The following PCDHGB3 variants were observed in gnomAD, a reference collection of about 807,000 sequenced individuals.
PCDHGB3 encodes the protein protocadherin gamma subfamily B, 3.
A neutral mutation model predicts 59.2 loss-of-function variants in PCDHGB3; 40 were observed. The observed-to-expected ratio is 0.68, with a 90% CI of 0.52 to 0.88. The LOEUF (loss-of-function observed/expected upper bound fraction) is 0.88, where lower values mean the gene tolerates loss of function less well. Ranked by LOEUF, PCDHGB3 falls within the 40% of genes least tolerant of loss-of-function variation. The probability of loss-of-function intolerance (pLI) is 0.00; values close to 1 mark genes in which losing one functional copy is unlikely to be tolerated. For synonymous variants in PCDHGB3, 581 were observed against 503.6 expected (o/e 1.15, Z -2.06); for missense variants, 1,309 against 1,187.9 (o/e 1.10, Z -1.50).
In PCDHGB3 at chr5:141,485,972, T is replaced by G; in HGVS notation, c.2416-8835T>G. ...CATGGTGCTCATCCAGCTCAATGCC[T>G]CAGACCCGGACCTGGGTCCCAGTGG... On this transcript the variant is annotated intron_variant, in intron 1 of 3. Transcript: ENST00000576222. The surrounding 1 kb of genome is among the most constrained non-coding windows in gnomAD (Gnocchi z 5.7). 1 of 1,614,184 alleles carries G rather than the reference T, an allele frequency of 6.2e-7. No individual in the cohort carries two copies. Among genetic ancestry groups the G allele is most frequent in the Non-Finnish European group, 8.5e-7 (1 of 1,180,022 alleles).
intron 3 of PCDHGB3, among the ~76,000 whole-genome samples, chr5:141,510,440 C>T (rs1251795430): frequency 6.6e-6 from 1 of 152,066 alleles, no homozygotes; most frequent in Non-Finnish European, 1.5e-5. Context: ...TGCTGCCCTC[C>T]AGGAGCCCAT....
At position 141,413,407 on chromosome 5, in the gene PCDHGB3, C is replaced by G. The variant is rs372466798; in HGVS notation, c.2415+40598C>G. The G allele has an allele frequency of 3.3e-5, 53 of 1,613,926 alleles. No homozygotes were observed. Among genetic ancestry groups the G allele is most frequent in the Middle Eastern group, 1.6e-4 (1 of 6,082 alleles). ...CATAGTCTCCAGAGGTAGGACGCAG[C>G]TTTTCTCTCTGAACCCGCGCAGCGG... On this transcript the variant is annotated intron_variant, in intron 1 of 3. Transcript: ENST00000576222.
chr5:141,474,105 C>A (rs1292743515), intron 1 of PCDHGB3, among the ~76,000 whole-genome samples: 1 of 152,036 alleles, frequency 6.6e-6, no homozygotes, highest in African/African-American at 2.4e-5. Flanking sequence ...ACAACAAAAA[C>A]AACAACAACG....
chr5:141,372,498 C>T lies in PCDHGB3; in HGVS notation c.2104C>T (p.Leu702Phe). Residue 702 changes from leucine (L) to phenylalanine (F), a missense_variant, in exon 1 of 4, where the codon CTC becomes TTC. Physicochemically the swap from Leu to Phe is conservative, Grantham distance 22 (BLOSUM62 0). Coordinates refer to ENST00000576222, the MANE Select transcript of PCDHGB3 (RefSeq NM_018924.5). ...AGTGGCGTTGGCCTTGATCTCAGTG[C>T]TCTTCCTCCTCGCGGTGATTCTGGC... ...LVVALALISV[L>F]FLLAVILAIS... is the part of the protein sequence containing the mutation. 6.2e-7 allele frequency: 1 copy of T among 1,614,054 alleles called. No homozygotes were observed. Among genetic ancestry groups the T allele is most frequent in the Non-Finnish European group, 8.5e-7 (1 of 1,179,884 alleles).
chr5:141,389,805 C>G (rs1222548961), intron 1 of PCDHGB3: 1 of 1,613,802 alleles, frequency 6.2e-7, no homozygotes, highest in East Asian at 2.2e-5. Flanking sequence ...CCAGCGCCTT[C>G]TGGTCGCCGT....
At chr5:141,454,344 G>A (rs1455147295) in intron 1 of PCDHGB3, among the ~76,000 whole-genome samples, 3 of 152,236 alleles carry the variant, frequency 2.0e-5, no homozygotes, top group Non-Finnish European at 4.4e-5. Flanking sequence ...AATGTTGGAA[G>A]TTGATCCAAA....
At chr5:141,427,327 C>T (rs2097016376) in intron 1 of PCDHGB3, 1 of 457,028 alleles carries the variant, frequency 2.2e-6, no homozygotes, top group African/African-American at 2.0e-5. Flanking sequence ...GTGGTTTTTA[C>T]TTCAGTGTCC....
chr5:141,410,502 T>C, intron 1 of PCDHGB3: 2 of 1,614,018 alleles, frequency 1.2e-6, no homozygotes, highest in Non-Finnish European at 1.7e-6. Context: ...TTTAATTTCC[T>C]AAAATGCAGT....
At position 141,487,603 on chromosome 5, in the gene PCDHGB3, C is replaced by T; in HGVS notation, c.2416-7204C>T. The stretch of plus-strand genomic sequence containing the variant: ...CAAGCTGCCCACCCTCTGATCTTCT[C>T]TATGGGCTAGAGGTGAGACCTTTGC... On this transcript the variant is annotated intron_variant, in intron 1 of 3. Transcript: ENST00000576222. This position sits in a 1 kb window ranked among gnomAD's most constrained non-coding sequence, Gnocchi z 5.0. 1.2e-6 allele frequency: 2 copies of T among 1,614,214 alleles called. No individual in the cohort carries two copies. Among genetic ancestry groups the T allele is most frequent in the Non-Finnish European group, 1.7e-6 (2 of 1,180,042 alleles).
At chr5:141,436,042 T>A (rs1246680632) in intron 1 of PCDHGB3, among the ~76,000 whole-genome samples, 4 of 152,182 alleles carry the variant, frequency 2.6e-5, no homozygotes, top group Non-Finnish European at 5.9e-5. Context: ...TGTATTTACA[T>A]TAGTTTTCAA....
At chr5:141,508,570 C>T (rs1164806696) in intron 3 of PCDHGB3, among the ~76,000 whole-genome samples, 21 of 152,198 alleles carry the variant, frequency 1.4e-4, no homozygotes. Context: ...GTCACTTGCA[C>T]CCACTCGGGG....
chr5:141,477,171 TCA>T lies in PCDHGB3; in HGVS notation c.2416-17633_2416-17632del, dbSNP rs772104411. On this transcript the variant is annotated intron_variant, in intron 1 of 3. Transcript: ENST00000576222. This position sits in a 1 kb window ranked among gnomAD's most constrained non-coding sequence, Gnocchi z 4.9. ...GATGTGAATGACAACGCCCCGGAGA[TCA>T]CAGTCACCTCCGTGTACAGCCCAGT... 6.2e-7 allele frequency: 1 copy of T among 1,614,072 alleles called. No individual in the cohort carries two copies. Among genetic ancestry groups the T allele is most frequent in the Non-Finnish European group, 8.5e-7 (1 of 1,179,988 alleles).
At chr5:141,435,334 T>C (rs1223377462) in intron 1 of PCDHGB3, among the ~76,000 whole-genome samples, 1 of 152,196 alleles carries the variant, frequency 6.6e-6, no homozygotes, top group East Asian at 1.9e-4. Context: ...ATATAGTGAA[T>C]TTATTTCTTC....
At chr5:141,501,423 A>G (rs1195105794) in intron 2 of PCDHGB3, among the ~76,000 whole-genome samples, 4 of 151,966 alleles carry the variant, frequency 2.6e-5, no homozygotes, top group African/African-American at 7.2e-5. Flanking sequence ...AGTTGACTAA[A>G]TGTAGTCCAT....
chr5:141,413,533 C>G, intron 1 of PCDHGB3: 1 of 1,613,934 alleles, frequency 6.2e-7, no homozygotes, highest in Non-Finnish European at 8.5e-7. Flanking sequence ...CAGGGTGAAA[C>G]TTTTTGGGAT....
chr5:141,481,085 A>T (rs1200522212), intron 1 of PCDHGB3, among the ~76,000 whole-genome samples: 1 of 152,192 alleles, frequency 6.6e-6, no homozygotes, highest in African/African-American at 2.4e-5. Flanking sequence ...AAGAAAAAAG[A>T]AAAGCAGTAC....
At chr5:141,455,605 T>C (rs930071553) in intron 1 of PCDHGB3, among the ~76,000 whole-genome samples, 2 of 152,098 alleles carry the variant, frequency 1.3e-5, no homozygotes, top group African/African-American at 4.8e-5. Flanking sequence ...TAGGGCGCCA[T>C]GGATGTTCTA....
At chr5:141,400,441 G>T (rs757449650) in intron 1 of PCDHGB3, 29 of 1,613,966 alleles carry the variant, frequency 1.8e-5, no homozygotes, top group Non-Finnish European at 2.1e-5. Flanking sequence ...ATTGAGTTCA[G>T]GACAAGACAT....
At chr5:141,449,252 T>C (rs1401555556) in intron 1 of PCDHGB3, among the ~76,000 whole-genome samples, 1 of 152,144 alleles carries the variant, frequency 6.6e-6, no homozygotes, top group Non-Finnish European at 1.5e-5. Flanking sequence ...GTTGCAAGAA[T>C]TGTACAAAGA....
Sources: gnomAD v4.1 joint callset for allele counts (sites outside exome capture counted in the v4.1 genomes callset) on GRCh38, gnomAD v4.1.1 for gene constraint, Gnocchi (gnomAD v3.1) non-coding constraint, MANE v1.5 for transcripts, NCBI Gene and HGNC (gene_info 2026-07-23, HGNC 2026-07-21) for gene names.